The following BAALC variants were observed in gnomAD, a reference collection of about 807,000 sequenced individuals.
BAALC encodes brain and acute leukemia cytoplasmic protein.
BAALC carries 9 observed loss-of-function variants against 15.5 expected under a neutral mutation model. That is an observed-to-expected ratio of 0.58 (90% CI 0.35 to 1.02). BAALC has a LOEUF of 1.02. Among genes scored for constraint, BAALC ranks in the 50% least tolerant of loss-of-function variants. The pLI, the probability that BAALC is intolerant of heterozygous loss-of-function variation, is 0.02. For synonymous variants in BAALC, 80 were observed against 74.6 expected (o/e 1.07, Z -0.37); for missense variants, 201 against 192.4 (o/e 1.04, Z -0.27).
At chr8:103,167,682 T>C (rs1811381046) in intron 1 of BAALC, among the ~76,000 whole-genome samples, 1 of 152,146 alleles carries the variant, frequency 6.6e-6, no homozygotes, top group African/African-American at 2.4e-5. Context: ...TTTCCAGCTA[T>C]TGGAGGACAG....
At chr8:103,225,751 T>C (rs1812794570) in intron 2 of BAALC, among the ~76,000 whole-genome samples, 1 of 151,100 alleles carries the variant, frequency 6.6e-6, no homozygotes, top group African/African-American at 2.4e-5. Context: ...CTGGAGGAGG[T>C]GGCTCCAATC....
chr8:103,223,445 C>T (rs1324900200), intron 2 of BAALC, among the ~76,000 whole-genome samples: 1 of 152,204 alleles, frequency 6.6e-6, no homozygotes. Flanking sequence ...TTATTTCCTT[C>T]ATTTTTCAGA....
chr8:103,192,917 A>G (rs369010827), intron 1 of BAALC, among the ~76,000 whole-genome samples: 1 of 152,112 alleles, frequency 6.6e-6, no homozygotes, highest in Admixed American at 6.5e-5. Flanking sequence ...AGCATCCCAG[A>G]TATCACCACC....
chr8:103,172,066 G>A (rs1030028137), intron 1 of BAALC: 2 of 152,104 alleles, frequency 1.3e-5, no homozygotes, highest in Admixed American at 1.3e-4. Flanking sequence ...ATCCATTTTT[G>A]CTGTTTTATG....
At chr8:103,181,037 C>T (rs1811715679) in intron 1 of BAALC, among the ~76,000 whole-genome samples, 1 of 151,934 alleles carries the variant, frequency 6.6e-6, no homozygotes, top group African/African-American at 2.4e-5. Flanking sequence ...GTTTAGGTTT[C>T]GTGATGAGGT....
At chr8:103,212,392 A>C (rs1218455777) in intron 1 of BAALC, among the ~76,000 whole-genome samples, 1 of 152,162 alleles carries the variant, frequency 6.6e-6, no homozygotes, top group Admixed American at 6.6e-5. Flanking sequence ...AGACTGCAGC[A>C]AACTATGATC....
chr8:103,190,877 G>A (rs1227198013), intron 1 of BAALC: 1 of 152,172 alleles, frequency 6.6e-6, no homozygotes, highest in Admixed American at 6.5e-5. Flanking sequence ...GGAGCAGAGA[G>A]TTGGGTATCA....
chr8:103,217,085 GCACCCCT>G, intron 2 of BAALC, among the ~76,000 whole-genome samples: 1 of 152,298 alleles, frequency 6.6e-6, no homozygotes, highest in East Asian at 1.9e-4. Flanking sequence ...GCCCAACGCA[GCACCCCT>G]GGGCAGATGA....
At chr8:103,170,260 G>T (rs72671393) in intron 1 of BAALC, among the ~76,000 whole-genome samples, 13,008 of 151,048 alleles carry the variant, frequency 0.086, 747 homozygotes, top group Middle Eastern at 0.13. Flanking sequence ...AAGCCGCTTG[G>T]TTATATTGTA....
At chr8:103,174,938 C>T (rs1331911317) in intron 1 of BAALC, among the ~76,000 whole-genome samples, 1 of 152,144 alleles carries the variant, frequency 6.6e-6, no homozygotes, top group East Asian at 1.9e-4. Flanking sequence ...TCTGGGGCAT[C>T]ATTTTGAAAA....
At chr8:103,225,985 A>G (rs931054471) in intron 2 of BAALC, among the ~76,000 whole-genome samples, 1 of 152,218 alleles carries the variant, frequency 6.6e-6, no homozygotes, top group African/African-American at 2.4e-5. Context: ...GCAATAGTTC[A>G]CCATTTATTT....
intron 2 of BAALC, among the ~76,000 whole-genome samples, chr8:103,227,668 C>T (rs1247534817): frequency 6.6e-6 from 1 of 152,184 alleles, no homozygotes; most frequent in Non-Finnish European, 1.5e-5. Flanking sequence ...CTATCCCCTC[C>T]TTTCACACAT....
intron 1 of BAALC, among the ~76,000 whole-genome samples, chr8:103,198,573 CA>C (rs1475337471): frequency 6.6e-6 from 1 of 151,944 alleles, no homozygotes; most frequent in Non-Finnish European, 1.5e-5. Flanking sequence ...TATCCCTGTA[CA>C]AAAATAGCAT....
At chr8:103,167,535 C>T (rs1018916219) in intron 1 of BAALC, among the ~76,000 whole-genome samples, 9 of 152,212 alleles carry the variant, frequency 5.9e-5, no homozygotes, top group Middle Eastern at 3.4e-3. Context: ...AGATAGCATA[C>T]GAACTCATAC....
chr8:103,174,095 A>G (rs969087776), intron 1 of BAALC, among the ~76,000 whole-genome samples: 2 of 152,160 alleles, frequency 1.3e-5, no homozygotes, highest in Admixed American at 6.6e-5. Flanking sequence ...CAGGACACAG[A>G]GCAGCTTTTG....
intron 1 of BAALC, among the ~76,000 whole-genome samples, chr8:103,189,047 T>C (rs572883751): frequency 1.3e-5 from 2 of 152,320 alleles, no homozygotes; most frequent in African/African-American, 2.4e-5. Context: ...ACAAGGATAG[T>C]AGTGAGGCTT....
At chr8:103,171,086 T>G (rs189941347) in intron 1 of BAALC, among the ~76,000 whole-genome samples, 227 of 145,374 alleles carry the variant, frequency 1.6e-3, no homozygotes, top group Non-Finnish European at 2.8e-3. Context: ...CTGAGAAATC[T>G]AATCAGAAGA....
chr8:103,199,827 A>G lies in BAALC; in HGVS notation c.161-13092A>G, dbSNP rs370963594. On this transcript the variant is annotated intron_variant, in intron 1 of 2. Coordinates refer to ENST00000309982, the MANE Select transcript of BAALC (RefSeq NM_024812.3). Reference sequence around the variant, plus strand: ...TCCCTCCCACCCTCCACCCTCCAATAGGCCTCAGTGTGTGTTGTTTCCCCC... The same window carrying G: ...TCCCTCCCACCCTCCACCCTCCAATGGGCCTCAGTGTGTGTTGTTTCCCCC... Among the ~76,000 whole-genome samples, 5 of 152,004 alleles carry G rather than the reference A, an allele frequency of 3.3e-5. No homozygotes were observed. In the East Asian group the frequency reaches 7.7e-4, roughly 24 times the overall value.
intron 1 of BAALC, among the ~76,000 whole-genome samples, chr8:103,151,476 CT>C (rs1182029564): frequency 2.6e-5 from 4 of 152,130 alleles, no homozygotes; most frequent in African/African-American, 9.7e-5. Context: ...GTTGTGCATT[CT>C]AGCAGCCAGG....
Sources: gnomAD v4.1 joint callset for allele counts (sites outside exome capture counted in the v4.1 genomes callset) on GRCh38, gnomAD v4.1.1 for gene constraint, MANE v1.5 for transcripts, NCBI Gene and HGNC (gene_info 2026-07-23, HGNC 2026-07-21) for gene names.